Variants in MYL4 observed in about 807,000 individuals in gnomAD.
MYL4 encodes myosin light chain 4, also known as atrial myosin light chain 1.
In MYL4, 16 loss-of-function variants were observed where a neutral mutation model predicts 21.6. The ratio of observed to expected loss-of-function variants is 0.74; its 90% CI spans 0.50 to 1.12. MYL4 has a LOEUF of 1.12. MYL4 is among the 50% of genes most tolerant of loss of function. The probability of loss-of-function intolerance (pLI) is 0.00; values close to 1 mark genes in which losing one functional copy is unlikely to be tolerated. For missense variants in MYL4, 249 were observed against 252.9 expected (o/e 0.98, Z 0.11); for synonymous variants, 82 against 95.7 (o/e 0.86, Z 0.83).
intron 1 of MYL4, among the ~76,000 whole-genome samples, chr17:47,209,931 C>T (rs2064761159): frequency 6.6e-6 from 1 of 152,126 alleles, no homozygotes; most frequent in Non-Finnish European, 1.5e-5. Flanking sequence ...AGTGGGATAT[C>T]TTTATGGAGA....
At chr17:47,196,693 A>G (rs2064690205), upstream of MYL4, among the ~76,000 whole-genome samples, 7 of 152,160 alleles carry the variant, frequency 4.6e-5, no homozygotes, top group Admixed American at 3.3e-4. Context: ...TACCTAATTT[A>G]AATTCTTAGC....
chr17:47,203,269 T>C (rs2064715926), intron 1 of MYL4, among the ~76,000 whole-genome samples: 1 of 152,194 alleles, frequency 6.6e-6, no homozygotes, highest in African/African-American at 2.4e-5. Context: ...ATCCCTTTTT[T>C]TAAATTGTCA....
chr17:47,209,078 G>A, upstream of MYL4: 1 of 402,964 alleles, frequency 2.5e-6, no homozygotes, highest in Non-Finnish European at 4.5e-6. Flanking sequence ...GGCTGCTCCG[G>A]CATATTTGAG....
intron 1 of MYL4, among the ~76,000 whole-genome samples, chr17:47,201,197 T>A (rs922713092): frequency 1.3e-5 from 2 of 152,102 alleles, no homozygotes; most frequent in Non-Finnish European, 2.9e-5. Context: ...AAATAAAGTG[T>A]TGTGATAGCT....
intron 1 of MYL4, among the ~76,000 whole-genome samples, chr17:47,211,325 G>C (rs564101108): frequency 6.6e-6 from 1 of 152,142 alleles, no homozygotes; most frequent in African/African-American, 2.4e-5. Flanking sequence ...AGGCGGGAGG[G>C]TAATTTGAGG....
chr17:47,203,883 ACT>A (rs529618420), intron 1 of MYL4, among the ~76,000 whole-genome samples: 66 of 151,912 alleles, frequency 4.3e-4, no homozygotes, highest in African/African-American at 1.5e-3. Flanking sequence ...TCATAAAATA[ACT>A]CTCCATGTCA....
intron 6 of MYL4, 32 bp downstream of exon 6, chr17:47,223,089 C>T (rs375197866): frequency 1.6e-5 from 25 of 1,611,242 alleles, no homozygotes; most frequent in Middle Eastern, 1.7e-4. Context: ...TGGTCCCTTC[C>T]GGGGTCACAT....
At chr17:47,199,454 G>A (rs531618679), upstream of MYL4, among the ~76,000 whole-genome samples, 78 of 152,206 alleles carry the variant, frequency 5.1e-4, no homozygotes, top group African/African-American at 1.8e-3. Flanking sequence ...CCAAAGTACT[G>A]GGATTATAGG....
the MYL4 span, among the ~76,000 whole-genome samples, chr17:47,193,090 C>T: frequency 6.6e-6 from 1 of 151,986 alleles, no homozygotes; most frequent in Non-Finnish European, 1.5e-5. Context: ...TCTTTCAGTC[C>T]TCCTTGTCTG....
At chr17:47,197,138 G>A (rs1017388389), upstream of MYL4, among the ~76,000 whole-genome samples, 23 of 135,986 alleles carry the variant, frequency 1.7e-4, no homozygotes, top group Non-Finnish European at 2.9e-4. Flanking sequence ...TCGCACTGTC[G>A]CCCAGGCTGG....
rs200415936 is a variant in MYL4 at position 47,221,738 on chromosome 17, T to C, written c.370T>C (p.Ser124Pro). ...GTTCTTGCCCATCCTGCAGCACATTTCCCGCAACAAGGAGCAGGGCACCTA... is the reference window on the plus strand; with the variant it reads ...GTTCTTGCCCATCCTGCAGCACATTCCCCGCAACAAGGAGCAGGGCACCTA... ...ETFLPILQHI[S>P]RNKEQGTYED... is the part of the protein sequence containing the mutation. Residue 124 changes from serine (S) to proline (P), a missense_variant, in exon 4 of 7, where the codon TCC (serine) becomes CCC (proline). Coordinates refer to ENST00000393450, the MANE Select transcript of MYL4 (RefSeq NM_002476.2). 2.5e-6 allele frequency: 4 copies of C among 1,614,136 alleles called. No homozygotes were observed. The highest frequency in any genetic ancestry group is 3.4e-6 in the Non-Finnish European group (4 of 1,179,994).
chr17:47,192,285 T>C, the MYL4 span, among the ~76,000 whole-genome samples: 10 of 129,922 alleles, frequency 7.7e-5, no homozygotes, highest in East Asian at 2.3e-4. Flanking sequence ...ACCTGGGAGG[T>C]GGAGGTTGCG....
chr17:47,190,148 T>G, the MYL4 span, among the ~76,000 whole-genome samples: 3 of 152,248 alleles, frequency 2.0e-5, no homozygotes, highest in African/African-American at 7.2e-5. Flanking sequence ...AAATTTTTAT[T>G]TTTGATAGGT....
At chr17:47,214,270 T>C (rs1210917564) in intron 2 of MYL4, among the ~76,000 whole-genome samples, 2 of 152,202 alleles carry the variant, frequency 1.3e-5, no homozygotes, top group African/African-American at 2.4e-5. Flanking sequence ...TCTAAGATAT[T>C]TGGAAGCCCT....
At chr17:47,194,852 C>T in the MYL4 span, among the ~76,000 whole-genome samples, 1 of 152,026 alleles carries the variant, frequency 6.6e-6, no homozygotes, top group Non-Finnish European at 1.5e-5. Context: ...GTGATCCTCT[C>T]ACCTTAGCTT....
chr17:47,227,069 T>C (rs1257564009), downstream of MYL4, among the ~76,000 whole-genome samples: 3 of 152,222 alleles, frequency 2.0e-5, no homozygotes, highest in East Asian at 3.8e-4. Context: ...TTGGCCAGGC[T>C]GGTCTCAAAC....
the MYL4 span, among the ~76,000 whole-genome samples, chr17:47,194,553 C>T: frequency 6.6e-6 from 1 of 152,152 alleles, no homozygotes; most frequent in African/African-American, 2.4e-5. Flanking sequence ...TCGCAACGAC[C>T]TGCCAATTTT....
chr17:47,189,465 C>T, the MYL4 span: 2 of 508,046 alleles, frequency 3.9e-6, no homozygotes, highest in South Asian at 4.4e-5. Context: ...CGAGTCTGAC[C>T]CAAAGCGTAG....
At chr17:47,224,668 G>T (rs2064878559), downstream of MYL4, among the ~76,000 whole-genome samples, 1 of 152,272 alleles carries the variant, frequency 6.6e-6, no homozygotes, top group African/African-American at 2.4e-5. Context: ...ATGTCCTCGT[G>T]TTCCTTTTTT....
Sources: gnomAD v4.1 joint callset for allele counts (sites outside exome capture counted in the v4.1 genomes callset) on GRCh38, gnomAD v4.1.1 for gene constraint, MANE v1.5 for transcripts, NCBI Gene and HGNC (gene_info 2026-07-23, HGNC 2026-07-21) for gene names.